RYR2: variants seen among roughly 807,000 people sequenced by gnomAD.
RYR2 encodes the protein cardiac muscle ryanodine receptor-calcium release channel.
RYR2 carries 227 observed loss-of-function variants against 601.1 expected under a neutral mutation model. That is an observed-to-expected ratio of 0.38 (90% CI 0.34 to 0.42). The LOEUF is 0.42. Ranked by LOEUF, RYR2 falls within the 10% of genes least tolerant of loss-of-function variation. The pLI, the probability that RYR2 is intolerant of heterozygous loss-of-function variation, is 1.00. For missense variants in RYR2, 4,646 were observed against 6,156.5 expected (o/e 0.75, Z 8.21); for synonymous variants, 2,223 against 2,175.1 (o/e 1.02, Z -0.61).
At chr1:237,431,066 C>T (rs1706758357) in intron 12 of RYR2, among the ~76,000 whole-genome samples, 1 of 152,204 alleles carries the variant, frequency 6.6e-6, no homozygotes, top group East Asian at 1.9e-4. Context: ...CATGGAACCA[C>T]TCGAGTGTAC....
intron 1 of RYR2, among the ~76,000 whole-genome samples, chr1:237,195,090 A>G (rs1680404527): frequency 6.6e-6 from 1 of 152,226 alleles, no homozygotes; most frequent in South Asian, 2.1e-4. Context: ...TCATGATCAT[A>G]AACATATTTT....
chr1:237,774,416 G>C (rs1694499357), intron 87 of RYR2, among the ~76,000 whole-genome samples: 1 of 152,136 alleles, frequency 6.6e-6, no homozygotes, highest in Admixed American at 6.6e-5. Flanking sequence ...ACAGCTGTTT[G>C]AGTAAATAAA....
chr1:237,559,166 A>G (rs1306165427), intron 27 of RYR2, among the ~76,000 whole-genome samples: 4 of 151,908 alleles, frequency 2.6e-5, no homozygotes, highest in African/African-American at 9.7e-5. Context: ...ATGCAAATCA[A>G]ATTTTTCATA....
chr1:237,425,558 C>T (rs779365230), intron 12 of RYR2, among the ~76,000 whole-genome samples: 4 of 151,664 alleles, frequency 2.6e-5, no homozygotes, highest in East Asian at 1.9e-4. Context: ...CGCTTGAACT[C>T]GGGAGGCAGA....
intron 24 of RYR2, among the ~76,000 whole-genome samples, chr1:237,515,926 T>C: frequency 6.7e-6 from 1 of 149,720 alleles, no homozygotes; most frequent in East Asian, 2.0e-4. Context: ...CCTCTCCCTC[T>C]TCTCCTTCTT....
chr1:237,804,910 TCTC>T (rs1660443162), intron 98 of RYR2, among the ~76,000 whole-genome samples: 1 of 152,198 alleles, frequency 6.6e-6, no homozygotes. Flanking sequence ...CAAGGGTTCT[TCTC>T]TACTGGGGAA....
chr1:237,481,026 T>G (rs1662006825), intron 17 of RYR2, among the ~76,000 whole-genome samples: 1 of 151,516 alleles, frequency 6.6e-6, no homozygotes, highest in South Asian at 2.1e-4. Context: ...CATAAAAATA[T>G]GAAGCATATG....
chr1:237,307,518 T>C (rs1043598259), intron 2 of RYR2, among the ~76,000 whole-genome samples: 10 of 152,256 alleles, frequency 6.6e-5, no homozygotes, highest in East Asian at 5.8e-4. Context: ...TTTTGTAATA[T>C]GTTCAGTATG....
chr1:237,479,949 C>T (rs73110414), intron 17 of RYR2, among the ~76,000 whole-genome samples: 4,001 of 152,226 alleles, frequency 0.026, 85 homozygotes, highest in East Asian at 0.089. Context: ...AGGAATGAAC[C>T]TCTGTAGTCT....
rs370740528 is a variant in RYR2 at position 237,707,040 on chromosome 1, C to T, written c.9672C>T (p.Ser3224=). The change falls in exon 68 of 105, where the codon TCC becomes TCT. Residue 3224 remains serine, a synonymous_variant. Coordinates refer to ENST00000366574, the MANE Select transcript of RYR2 (RefSeq NM_001035.3). ...LMEEIVELAE[S]GIRYTQMPHV... The stretch of plus-strand genomic sequence containing the variant: ...AAGAAATCGTGGAATTAGCCGAGTC[C>T]GGCATTCGCTACACTCAAATGCCAC... The T allele has an allele frequency of 6.8e-5, 110 of 1,613,568 alleles. No homozygotes were observed. The highest frequency in any genetic ancestry group is 8.4e-5 in the Non-Finnish European group (99 of 1,179,698).
intron 2 of RYR2, among the ~76,000 whole-genome samples, chr1:237,314,642 T>C (rs1358286402): frequency 1.3e-5 from 2 of 152,184 alleles, no homozygotes; most frequent in African/African-American, 4.8e-5. Flanking sequence ...TTGAAGAAGG[T>C]TGAGCAGTTA....
intron 1 of RYR2, among the ~76,000 whole-genome samples, chr1:237,215,146 G>A (rs1232788223): frequency 6.6e-6 from 1 of 152,176 alleles, no homozygotes; most frequent in Non-Finnish European, 1.5e-5. Context: ...GAATCCCAGG[G>A]TAAAGCAACC....
intron 1 of RYR2, among the ~76,000 whole-genome samples, chr1:237,248,818 A>G (rs1478675859): frequency 1.3e-5 from 2 of 148,732 alleles, no homozygotes. Flanking sequence ...CTAGAGTGCA[A>G]TGGCGTGATC....
intron 10 of RYR2, among the ~76,000 whole-genome samples, chr1:237,413,045 G>A (rs1452183318): frequency 6.6e-6 from 1 of 152,084 alleles, no homozygotes; most frequent in Admixed American, 6.6e-5. Context: ...AGTCCTTTAT[G>A]AAGGACTGAA....
At chr1:237,546,412 G>A (rs530189163) in intron 25 of RYR2, among the ~76,000 whole-genome samples, 2 of 152,060 alleles carry the variant, frequency 1.3e-5, no homozygotes, top group East Asian at 3.9e-4. Flanking sequence ...GAGTCTCGCC[G>A]TGTCACCCAG....
intron 2 of RYR2, among the ~76,000 whole-genome samples, chr1:237,330,640 G>A (rs1393571557): frequency 6.6e-6 from 1 of 152,118 alleles, no homozygotes; most frequent in Non-Finnish European, 1.5e-5. Flanking sequence ...CGCCCACCTC[G>A]GCCTCCCAGA....
At chr1:237,607,417 C>T (rs958840188) in intron 35 of RYR2, among the ~76,000 whole-genome samples, 4 of 149,968 alleles carry the variant, frequency 2.7e-5, no homozygotes, top group African/African-American at 9.7e-5. Flanking sequence ...CACACCGGGG[C>T]CTGTTGTGGG....
intron 1 of RYR2, among the ~76,000 whole-genome samples, chr1:237,145,029 G>A (rs998076644): frequency 6.6e-6 from 1 of 152,002 alleles, no homozygotes; most frequent in East Asian, 1.9e-4. Flanking sequence ...GAGAACGCAT[G>A]GACACAGGGA....
At chr1:237,049,735 G>A (rs1386597778) in intron 1 of RYR2, among the ~76,000 whole-genome samples, 1 of 152,156 alleles carries the variant, frequency 6.6e-6, no homozygotes, top group South Asian at 2.1e-4. Context: ...AATAAGAGAA[G>A]CTTGCAGACA....
Sources: gnomAD v4.1 joint callset for allele counts (sites outside exome capture counted in the v4.1 genomes callset) on GRCh38, gnomAD v4.1.1 for gene constraint, MANE v1.5 for transcripts, NCBI Gene and HGNC (gene_info 2026-07-23, HGNC 2026-07-21) for gene names.